Variants in GYS1 observed in about 807,000 individuals in gnomAD.
The protein encoded by GYS1 is glycogen [starch] synthase, muscle.
GYS1 carries 60 observed loss-of-function variants against 89.1 expected under a neutral mutation model. The ratio of observed to expected loss-of-function variants is 0.67; its 90% CI spans 0.55 to 0.84. GYS1 has a LOEUF of 0.84. Among genes scored for constraint, GYS1 ranks in the 40% least tolerant of loss-of-function variants. The pLI, the probability that GYS1 is intolerant of heterozygous loss-of-function variation, is 0.00. For synonymous variants in GYS1, 366 were observed against 401.7 expected (o/e 0.91, Z 1.06); for missense variants, 888 against 1,003.1 (o/e 0.89, Z 1.55).
At chr19:48,977,870 G>A in intron 10 of GYS1, 54 bp downstream of exon 10, 1 of 1,378,212 alleles carries the variant, frequency 7.3e-7, no homozygotes, top group East Asian at 2.3e-5. Context: ...CTGGCAAGCT[G>A]CCTCTGGGGC....
chr19:48,980,286 C>G (rs2038739168), intron 8 of GYS1, among the ~76,000 whole-genome samples: 1 of 152,200 alleles, frequency 6.6e-6, no homozygotes, highest in Admixed American at 6.5e-5. Context: ...ACAACCCCGT[C>G]TCATATTCCA....
At chr19:48,970,155 TTC>T in intron 14 of GYS1, 1 of 496,514 alleles carries the variant, frequency 2.0e-6, no homozygotes, top group South Asian at 2.1e-5. Context: ...CACGGTCTTG[TTC>T]TGTTACTCTA....
Position 48,982,305 on chromosome 19 carries a change from C to T in GYS1, c.1012G>A (p.Gly338Ser). 2 of 1,613,850 alleles carry T rather than the reference C, an allele frequency of 1.2e-6. No homozygotes were observed. The highest frequency in any genetic ancestry group is 1.6e-4 in the Middle Eastern group (1 of 6,062). Residue 338 changes from glycine (G) to serine (S), a missense_variant, in exon 7 of 16, where the codon GGT becomes AGT. Coordinates refer to ENST00000323798, the MANE Select transcript of GYS1 (RefSeq NM_002103.5). ...IAGRYEFSNK[G>S]ADVFLEALAR... is the part of the protein sequence containing the mutation. ...AATGCCTCCAGGAAGACGTCAGCAC[C>T]CTTGTTGGAGAACTCATAGCGGCCG... is the stretch of plus-strand genomic sequence containing the variant.
At chr19:48,989,208 G>A (rs923120907) in intron 2 of GYS1, among the ~76,000 whole-genome samples, 4 of 151,832 alleles carry the variant, frequency 2.6e-5, no homozygotes, top group African/African-American at 9.7e-5. Flanking sequence ...TGGGCTGGGC[G>A]CGGTGGCTCA....
rs1425011464 is a variant in GYS1, at chr19:48,969,192, G to A, written c.*96C>T. 2 of 1,156,944 alleles carry A rather than the reference G, an allele frequency of 1.7e-6. No homozygotes were observed. Among genetic ancestry groups the A allele is most frequent in the African/African-American group, 1.5e-5 (1 of 65,856 alleles). The allele number at this position is 1,156,944 out of a possible 1,614,324, so 71.7% of individuals were successfully genotyped here. On this transcript the variant is annotated 3_prime_UTR_variant, in exon 16 of 16. Transcript: ENST00000323798. ...TGGGGGCACTGCGGGGCCACACCCAGTGCAGATCTGGAGCGGGGGTTTAGG... is the reference window on the plus strand; with the variant it reads ...TGGGGGCACTGCGGGGCCACACCCAATGCAGATCTGGAGCGGGGGTTTAGG...
At chr19:48,982,612 T>A in intron 6 of GYS1, 108 bp downstream of exon 6, 1 of 919,162 alleles carries the variant, frequency 1.1e-6, no homozygotes, top group South Asian at 1.3e-5. Flanking sequence ...AGGTGCCCCC[T>A]CCCTCAGACC....
rs2038784947 is a variant in GYS1, at chr19:48,982,651, C to A, written c.941+69G>T. The A allele has an allele frequency of 1.7e-5, 20 of 1,162,154 alleles. No homozygotes were observed. In the South Asian group the frequency reaches 2.3e-4, roughly 13 times the overall value. The allele number at this position is 1,162,154 out of a possible 1,614,324, so 72.0% of individuals were successfully genotyped here. ...GAGTCTGGGCCCCCAGCTGCCCCCTCCCCCAGACCTAGATGGTTAGGCTCC... is the reference window on the plus strand; with the variant it reads ...GAGTCTGGGCCCCCAGCTGCCCCCTACCCCAGACCTAGATGGTTAGGCTCC... On this transcript the variant is annotated intron_variant, in intron 6 of 15. Coordinates refer to ENST00000323798, the MANE Select transcript of GYS1 (RefSeq NM_002103.5).
At chr19:48,992,129 G>A (rs1275874872) in intron 1 of GYS1, among the ~76,000 whole-genome samples, 2 of 151,950 alleles carry the variant, frequency 1.3e-5, no homozygotes, top group African/African-American at 2.4e-5. Context: ...TGGAGCCCAG[G>A]CCCTGGCGAT....
chr19:48,977,761 A>T lies in GYS1; in HGVS notation c.1308+163T>A, dbSNP rs1417207802. ...CGCCTCCAGCAACTGAAGTTGCACG[A>T]GTCAGCACGTGCCCTTCTGTGGACC... On this transcript the variant is annotated intron_variant, in intron 10 of 15. Coordinates refer to ENST00000323798, the MANE Select transcript of GYS1 (RefSeq NM_002103.5). 2.0e-5 allele frequency among the ~76,000 whole-genome samples: 3 copies of T among 152,100 alleles called. No homozygotes were observed. The East Asian group carries it at 5.8e-4, about 29-fold the overall frequency.
Position 48,985,864 on chromosome 19 carries a change from T to C in GYS1, c.664A>G (p.Asn222Asp), listed in dbSNP as rs753284735. 3 of 1,613,474 alleles carry C rather than the reference T, an allele frequency of 1.9e-6. No homozygotes were observed. Among genetic ancestry groups the C allele is most frequent in the Non-Finnish European group, 2.5e-6 (3 of 1,180,042 alleles). ...TCCCAGCTCACGTTCTCCAGGTTGT[T>C]GTAGAAGTCCACGGCACCGGCACAC... ...YLCAGAVDFY[N>D]NLENFNVDKE... Residue 222 changes from asparagine to aspartate, a missense_variant, in exon 4 of 16, where the codon AAC becomes GAC. Asn to Asp is a conservative substitution (Grantham distance 23). Coordinates refer to ENST00000323798, the MANE Select transcript of GYS1 (RefSeq NM_002103.5).
Position 48,993,169 on chromosome 19 carries a change from T to C in GYS1, c.-57A>G, listed in dbSNP as rs771029907. 1 of 962,308 alleles carries C rather than the reference T, an allele frequency of 1.0e-6. No individual in the cohort carries two copies. The allele number at this position is 962,308 out of a possible 1,614,324, so 59.6% of individuals were successfully genotyped here. On this transcript the variant is annotated 5_prime_UTR_variant, in exon 1 of 16. Transcript: ENST00000323798. ...TCCAGGTAGGGACCCCGGAGGTGTC[T>C]AGGGAATGCACCAGGTAGGGTGCGG...
At chr19:48,986,119 G>A (rs1198507020) in intron 3 of GYS1, 84 bp from the exon 4 acceptor site, 3 of 1,269,838 alleles carry the variant, frequency 2.4e-6, no homozygotes, top group Non-Finnish European at 2.2e-6. Context: ...AGGACTCGGG[G>A]AGAGGTCAAT....
intron 4 of GYS1, 55 bp from the exon 5 acceptor site, chr19:48,985,660 G>C: frequency 6.3e-7 from 1 of 1,599,110 alleles, no homozygotes; most frequent in East Asian, 2.2e-5. Flanking sequence ...AGACTCTGGA[G>C]GTCCAGACAC....
chr19:48,969,391 C>A lies in GYS1; in HGVS notation c.2111G>T (p.Ser704Ile). 1 of 1,567,290 alleles carries A rather than the reference C, an allele frequency of 6.4e-7. No individual in the cohort carries two copies. Residue 704 changes from serine to isoleucine, a missense_variant, in exon 16 of 16, where the codon AGC (serine) becomes ATC (isoleucine). Physicochemically the swap from Ser to Ile is moderately radical, Grantham distance 142. Transcript: ENST00000323798. ...PRRASCTSST[S>I]GSKRNSVDTA... ...GTCCACAGAGTTGCGCTTGCTGCCG[C>A]TGGTGGAGGAGGTGCAGGACGCTCG...
At chr19:48,970,514 G>T (rs2038546372) in intron 14 of GYS1, 32 bp downstream of exon 14, 2 of 1,601,554 alleles carry the variant, frequency 1.2e-6, no homozygotes, top group Non-Finnish European at 1.7e-6. Flanking sequence ...CTGCTGATTT[G>T]CCAGGAGAGG....
At chr19:48,987,109 C>T in intron 3 of GYS1, 85 bp downstream of exon 3, 2 of 967,788 alleles carry the variant, frequency 2.1e-6, no homozygotes, top group Non-Finnish European at 3.3e-6. Flanking sequence ...TCCCAGAATG[C>T]CCAGGGAGAA....
chr19:48,980,761 C>T (rs781365995), intron 8 of GYS1, among the ~76,000 whole-genome samples: 14 of 152,084 alleles, frequency 9.2e-5, no homozygotes, highest in Non-Finnish European at 1.9e-4. Context: ...GGCTGGATCA[C>T]CTGAGGTCAG....
intron 7 of GYS1, 53 bp downstream of exon 7, chr19:48,982,202 A>G: frequency 4.4e-6 from 7 of 1,588,790 alleles, no homozygotes; most frequent in Non-Finnish European, 6.0e-6. Flanking sequence ...TGTTCTCCCT[A>G]GTTATAAACT....
In GYS1 at chr19:48,969,832, CATGTGG is replaced by C; in HGVS notation, c.1827_1832del (p.His610_Met611del). ...GCTCTGGAAAGGCCTTGGACAGCGCCATGTGGCGCGCAGACATATAGTACTAGGGGA... is the reference window on the plus strand; with the variant it reads ...GCTCTGGAAAGGCCTTGGACAGCGCCCGCGCAGACATATAGTACTAGGGGA... On this transcript the variant is annotated inframe_deletion, in exon 15 of 16. Transcript: ENST00000323798. The C allele has an allele frequency of 6.2e-7, 1 of 1,613,832 alleles. No individual in the cohort carries two copies.
Sources: allele counts gnomAD v4.1 joint callset (sites outside exome capture counted in the v4.1 genomes callset), GRCh38; gene constraint gnomAD v4.1.1; transcripts MANE v1.5; gene names NCBI Gene and HGNC (gene_info 2026-07-23, HGNC 2026-07-21).